TNPO3: variants seen among roughly 807,000 people sequenced by gnomAD.
The protein encoded by TNPO3 is transportin 3.
In TNPO3, 65 loss-of-function variants were observed where a neutral mutation model predicts 122.8. The observed-to-expected ratio is 0.53, with a 90% CI of 0.43 to 0.65. The LOEUF (loss-of-function observed/expected upper bound fraction) is 0.65, where lower values mean the gene tolerates loss of function less well. Among genes scored for constraint, TNPO3 ranks in the 30% least tolerant of loss-of-function variants. The pLI is 0.00. For synonymous variants in TNPO3, 372 were observed against 411.2 expected, an observed-to-expected ratio of 0.90 and a Z score of 1.15; for missense variants, 850 against 1,136.7, an observed-to-expected ratio of 0.75 and a Z score of 3.63.
chr7:128,993,860 C>A lies in TNPO3; in HGVS notation c.1213G>T (p.Asp405Tyr). 6.2e-7 allele frequency: 1 copy of A among 1,614,108 alleles called. No individual in the cohort carries two copies. Among genetic ancestry groups the A allele is most frequent in the South Asian group, 1.1e-5 (1 of 91,076 alleles). ...DFGEFRMRVS[D>Y]LVKDLIFLIG... is the part of the protein sequence containing the mutation. Reference sequence around the variant, plus strand: ...AAGAAAATCAAGTCCTTTACCAGGTCTGATACCCTCATGCGAAACTCCCCA... The same window carrying A: ...AAGAAAATCAAGTCCTTTACCAGGTATGATACCCTCATGCGAAACTCCCCA... Residue 405 changes from aspartate (D) to tyrosine (Y), a missense_variant, in exon 9 of 23, where the codon GAC becomes TAC. Transcript: ENST00000265388.
intron 7 of TNPO3, among the ~76,000 whole-genome samples, chr7:128,999,379 G>A (rs1328433137): frequency 6.6e-6 from 1 of 152,174 alleles, no homozygotes; most frequent in Non-Finnish European, 1.5e-5. Context: ...TGATAACTGC[G>A]TGGTGTTACA....
intron 4 of TNPO3, among the ~76,000 whole-genome samples, chr7:129,009,849 G>A (rs769368037): frequency 1.3e-5 from 2 of 152,198 alleles, no homozygotes; most frequent in Non-Finnish European, 2.9e-5. Flanking sequence ...TTAGTTGTGT[G>A]ACTTGCTGAA....
chr7:128,991,011 T>C (rs2150351130), intron 10 of TNPO3, among the ~76,000 whole-genome samples: 1 of 152,352 alleles, frequency 6.6e-6, no homozygotes, highest in South Asian at 2.1e-4. Context: ...TTATGACTTA[T>C]GTTTCCTAGG....
At chr7:129,042,865 CAA>C (rs11286292) in intron 1 of TNPO3, among the ~76,000 whole-genome samples, 3,785 of 133,384 alleles carry the variant, frequency 0.028, 78 homozygotes, top group East Asian at 0.068. Context: ...TCCCATCCTC[CAA>C]AAAAAAAAAA....
chr7:129,013,324 A>G (rs1334989483), intron 4 of TNPO3, among the ~76,000 whole-genome samples: 1 of 152,154 alleles, frequency 6.6e-6, no homozygotes, highest in Non-Finnish European at 1.5e-5. Context: ...ACAGCAAAAG[A>G]AACAATCAAC....
At chr7:129,051,460 T>C (rs978423991) in intron 1 of TNPO3, among the ~76,000 whole-genome samples, 1 of 151,332 alleles carries the variant, frequency 6.6e-6, no homozygotes, top group African/African-American at 2.4e-5. Context: ...GGGATCCTCC[T>C]GAGTAGCTGG....
chr7:128,980,064 A>G lies in TNPO3; in HGVS notation c.1860-33T>C, dbSNP rs199881404. Reference sequence around the variant, plus strand: ...AAGACAACAGCCCAAAATAGTGAACAAAGACCAATTTCACTGAGGACCCAG... The same window carrying G: ...AAGACAACAGCCCAAAATAGTGAACGAAGACCAATTTCACTGAGGACCCAG... On this transcript the variant is annotated intron_variant, in intron 14 of 22. Transcript: ENST00000265388. 2.0e-5 allele frequency: 32 copies of G among 1,599,750 alleles called. No individual in the cohort carries two copies. The East Asian group carries it at 6.2e-4, about 31-fold the overall frequency.
intron 1 of TNPO3, among the ~76,000 whole-genome samples, chr7:129,037,792 A>T (rs978674204): frequency 6.6e-6 from 1 of 151,932 alleles, no homozygotes; most frequent in African/African-American, 2.4e-5. Context: ...AAAAACCTCT[A>T]CCCCTAGGGG....
intron 16 of TNPO3, among the ~76,000 whole-genome samples, chr7:128,978,531 T>C (rs1799309649): frequency 6.6e-6 from 1 of 152,230 alleles, no homozygotes; most frequent in African/African-American, 2.4e-5. Flanking sequence ...GAAGCGATTT[T>C]AGGCTGTTTC....
rs184897216 is a variant in TNPO3 at position 129,051,128 on chromosome 7, C to A, written c.120+3523G>T. Reference sequence around the variant, plus strand: ...ATTTGAGGGTGACTTATTGTGGATACCCAGAAAACAAAATGTTAAAAAAAA... The same window carrying A: ...ATTTGAGGGTGACTTATTGTGGATAACCAGAAAACAAAATGTTAAAAAAAA... On this transcript the variant is annotated intron_variant, in intron 1 of 22. Coordinates refer to ENST00000265388, the MANE Select transcript of TNPO3 (RefSeq NM_012470.4). Among the ~76,000 whole-genome samples the A allele has an allele frequency of 1.4e-4, 18 of 127,798 alleles. No individual in the cohort carries two copies. In the East Asian group the frequency reaches 3.9e-3, roughly 28 times the overall value. The allele number at this position is 127,798 out of a possible 152,430, so 83.8% of individuals were successfully genotyped here. A position where few individuals can be genotyped will look rare whatever the true frequency, so the allele number is the denominator to read the frequency against.
At chr7:128,959,635 C>A (rs547926939) in intron 21 of TNPO3, among the ~76,000 whole-genome samples, 2 of 152,168 alleles carry the variant, frequency 1.3e-5, no homozygotes, top group Non-Finnish European at 2.9e-5. Flanking sequence ...TGGCTTCTGC[C>A]CCAATCCTAT....
At chr7:129,006,367 A>G (rs758602928) in intron 4 of TNPO3, among the ~76,000 whole-genome samples, 2 of 152,228 alleles carry the variant, frequency 1.3e-5, no homozygotes, top group Non-Finnish European at 2.9e-5. Context: ...GTATATTTCC[A>G]CAAGAAAAGC....
chr7:129,035,883 C>T (rs2150516746), intron 1 of TNPO3, among the ~76,000 whole-genome samples: 1 of 151,374 alleles, frequency 6.6e-6, no homozygotes, highest in African/African-American at 2.4e-5. Context: ...GTGAGGCATA[C>T]TAAAAACTAA....
intron 13 of TNPO3, 36 bp downstream of exon 13, chr7:128,984,132 T>C: frequency 7.5e-7 from 1 of 1,336,994 alleles, no homozygotes; most frequent in East Asian, 2.4e-5. Flanking sequence ...TGTAAACATC[T>C]TATATTTGTT....
intron 17 of TNPO3, 82 bp downstream of exon 17, chr7:128,975,737 T>C (rs1798985559): frequency 1.2e-6 from 1 of 844,400 alleles, no homozygotes. Context: ...AGCAACAGAA[T>C]TAAAGACATG....
At chr7:129,016,872 A>G in intron 3 of TNPO3, 111 bp downstream of exon 3, 1 of 863,002 alleles carries the variant, frequency 1.2e-6, no homozygotes, top group African/African-American at 1.7e-5. Flanking sequence ...ACATAATTCT[A>G]TGTTAAGAGT....
At position 129,005,782 on chromosome 7, in the gene TNPO3, CTTTTT is replaced by C. The variant is rs1186834521; in HGVS notation, c.553-628_553-624del. Among the ~76,000 whole-genome samples, 7 of 132,256 alleles carry C rather than the reference CTTTTT, an allele frequency of 5.3e-5. No homozygotes were observed. The South Asian group carries it at 9.8e-4, about 18-fold the overall frequency. 86.8% of individuals were successfully genotyped at this position (132,256 alleles called of 152,430 possible). On this transcript the variant is annotated intron_variant, in intron 4 of 22. Coordinates refer to ENST00000265388, the MANE Select transcript of TNPO3 (RefSeq NM_012470.4). ...CAGTTTCAGGTATTTCTTTTCTTTT[CTTTTT>C]TTTTTTTTTTTTGAGATGGAGTATT... is the stretch of plus-strand genomic sequence containing the variant.
At chr7:129,054,372 G>A (rs1396378599) in intron 1 of TNPO3, among the ~76,000 whole-genome samples, 1 of 152,180 alleles carries the variant, frequency 6.6e-6, no homozygotes, top group Non-Finnish European at 1.5e-5. Context: ...ACGGCAAAGG[G>A]AGAACTTAAA....
At chr7:129,002,863 A>T (rs969739453) in intron 5 of TNPO3, among the ~76,000 whole-genome samples, 2 of 151,826 alleles carry the variant, frequency 1.3e-5, no homozygotes, top group Non-Finnish European at 2.9e-5. Context: ...CCACGGTGAA[A>T]CCCCATCTCT....
Sources: allele counts gnomAD v4.1 joint callset (sites outside exome capture counted in the v4.1 genomes callset), GRCh38; gene constraint gnomAD v4.1.1; transcripts MANE v1.5; gene names NCBI Gene and HGNC (gene_info 2026-07-23, HGNC 2026-07-21).